Variants in C19orf67 observed in about 807,000 individuals in gnomAD.
C19orf67 encodes the protein UPF0575 protein C19orf67.
Under a neutral mutation model 41.4 loss-of-function variants are expected in C19orf67, and 28 were observed. That is an observed-to-expected ratio of 0.68 (90% CI 0.50 to 0.93). C19orf67 has a LOEUF of 0.93. C19orf67 is among the 40% of genes least tolerant of loss of function. The pLI, the probability that C19orf67 is intolerant of heterozygous loss-of-function variation, is 0.00. For missense variants in C19orf67, 421 were observed against 467.0 expected (o/e 0.90, Z 0.91); for synonymous variants, 242 against 203.4 (o/e 1.19, Z -1.62).
chr19:14,081,736 A>T lies in C19orf67; in HGVS notation c.*98T>A. ...GCTCGGCCTGGCCCTTTGGAAGGCG[A>T]GGCCGGGCTGCACTGCGAGAACGAG... On this transcript the variant is annotated 3_prime_UTR_variant, in exon 6 of 6. Transcript: ENST00000548523. 8.9e-7 allele frequency: 1 copy of T among 1,126,304 alleles called. No individual in the cohort carries two copies. The highest frequency in any genetic ancestry group is 1.8e-5 in the South Asian group (1 of 55,834). The allele number at this position is 1,126,304 out of a possible 1,614,324, so 69.8% of individuals were successfully genotyped here. A position where few individuals can be genotyped will look rare whatever the true frequency, so the allele number is the denominator to read the frequency against.
At position 14,083,717 on chromosome 19, in the gene C19orf67, A is replaced by G. The variant is rs1443503525; in HGVS notation, c.480+16T>C. 1 of 1,473,230 alleles carries G rather than the reference A, an allele frequency of 6.8e-7. No homozygotes were observed. The highest frequency in any genetic ancestry group is 9.0e-7 in the Non-Finnish European group (1 of 1,112,206). 91.3% of individuals were successfully genotyped at this position (1,473,230 alleles called of 1,614,324 possible). On this transcript the variant is annotated intron_variant, in intron 2 of 5. Coordinates refer to ENST00000548523, the MANE Select transcript of C19orf67 (RefSeq NM_001277378.2). ...CGAGAAGAAAGGGGCGTGGGGTCTA[A>G]GAAACCTCCACACACCCCCTTTCGG...
At position 14,083,298 on chromosome 19, in the gene C19orf67, G is replaced by A. The variant is rs953831709; in HGVS notation, c.706C>T (p.Arg236Cys). 28 of 1,535,944 alleles carry A rather than the reference G, an allele frequency of 1.8e-5. No homozygotes were observed. The highest frequency in any genetic ancestry group is 1.7e-4 in the Middle Eastern group (1 of 6,010). The change falls in exon 4 of 6, where the codon CGC (arginine) becomes TGC (cysteine). Residue 236 changes from arginine (R) to cysteine (C), a missense_variant. Arg to Cys is a radical substitution (Grantham distance 180). Around this residue, in one of 3 missense-constraint regions of C19orf67, gnomAD observed 253 missense variants for 307.0 expected, o/e 0.82. Transcript: ENST00000548523. ...RFPRYLYKKM[R>C]WHLEATPEAP... ...TCTGGGGTGGCTTCCAGGTGCCAGC[G>A]CATCTTCTTATAGAGGTAGCGGGGG...
rs1568518352 is a variant in C19orf67, at chr19:14,083,300, A to G, written c.704T>C (p.Met235Thr). 20 of 1,536,090 alleles carry G rather than the reference A, an allele frequency of 1.3e-5. No individual in the cohort carries two copies. Among genetic ancestry groups the G allele is most frequent in the Non-Finnish European group, 1.6e-5 (18 of 1,146,906 alleles). Residue 235 changes from methionine to threonine, a missense_variant, in exon 4 of 6, where the codon ATG becomes ACG. Transcript: ENST00000548523. ...TGGGGTGGCTTCCAGGTGCCAGCGC[A>G]TCTTCTTATAGAGGTAGCGGGGGAA... is the stretch of plus-strand genomic sequence containing the variant. The part of the protein sequence containing the change: ...SRFPRYLYKK[M>T]RWHLEATPEA...
Position 14,085,614 on chromosome 19 carries a change from T to C in C19orf67, c.14A>G (p.Gln5Arg). The stretch of plus-strand genomic sequence containing the variant: ...CAGGGGGAGCGACCCCTCGAACCAC[T>C]GCTCTGTAGCCATGGTAGGGCCGGG... Reference protein sequence around the residue: MATEQWFEGSLPLDP... With the variant: MATERWFEGSLPLDP... Residue 5 changes from glutamine (Q) to arginine (R), a missense_variant, in exon 1 of 6, where the codon CAG becomes CGG. Transcript: ENST00000548523. The C allele has an allele frequency of 6.5e-7, 1 of 1,533,394 alleles. No homozygotes were observed. The highest frequency in any genetic ancestry group is 2.0e-5 in the Admixed American group (1 of 50,988). 95.0% of individuals were successfully genotyped at this position (1,533,394 alleles called of 1,614,324 possible). A position where few individuals can be genotyped will look rare whatever the true frequency, so the allele number is the denominator to read the frequency against.
At position 14,083,599 on chromosome 19, in the gene C19orf67, C is replaced by G. The variant is rs898118607; in HGVS notation, c.487G>C (p.Glu163Gln). ...CGCAGGGTCAGCTGTTGGGAGATCT[C>G]TAACAGCTGCATACAAGAGGGGGGT... The part of the protein sequence containing the change: ...LQELVRKGLL[E>Q]ISQQLTLRLE... Residue 163 changes from glutamate (E) to glutamine (Q), a missense_variant, in exon 3 of 6, where the codon GAG becomes CAG. Glu to Gln is a conservative substitution (Grantham distance 29). This residue lies in a region of C19orf67 where 253 missense variants were observed against 307.0 expected (regional missense o/e 0.82). Coordinates refer to ENST00000548523, the MANE Select transcript of C19orf67 (RefSeq NM_001277378.2). 1 of 1,536,014 alleles carries G rather than the reference C, an allele frequency of 6.5e-7. No individual in the cohort carries two copies. The highest frequency in any genetic ancestry group is 1.4e-5 in the African/African-American group (1 of 73,146).
rs1321202846 is a variant in C19orf67 at position 14,085,752 on chromosome 19, C to T, written c.-125G>A. 4 of 677,572 alleles carry T rather than the reference C, an allele frequency of 5.9e-6. No individual in the cohort carries two copies. In the African/African-American group the frequency reaches 7.3e-5, roughly 12 times the overall value. The allele number at this position is 677,572 out of a possible 1,614,324, so 42.0% of individuals were successfully genotyped here. ...TGCCTTGACCTCTCCACCGGAGCCG[C>T]GCCGCCGCGCCGGGGGCCGTTCGCC... On this transcript the variant is annotated 5_prime_UTR_variant, in exon 1 of 6. Coordinates refer to ENST00000548523, the MANE Select transcript of C19orf67 (RefSeq NM_001277378.2).
chr19:14,084,809 C>G (rs1272583429), intron 1 of C19orf67, among the ~76,000 whole-genome samples: 1 of 152,198 alleles, frequency 6.6e-6, no homozygotes, highest in Non-Finnish European at 1.5e-5. Context: ...TGCACTCCAG[C>G]CTGGGCGACA....
chr19:14,083,557 G>A lies in C19orf67; in HGVS notation c.529C>T (p.Leu177Phe). 6.5e-7 allele frequency: 1 copy of A among 1,536,112 alleles called. No individual in the cohort carries two copies. The highest frequency in any genetic ancestry group is 8.7e-7 in the Non-Finnish European group (1 of 1,146,910). ...ACGAACCCAAAGGAAGCGTACATGA[G>A]GACCAGCTGTTCCAGGCGCAGGGTC... ...QLTLRLEQLV[L>F]MYASFGFVDL... is the part of the protein sequence containing the mutation. Residue 177 changes from leucine (L) to phenylalanine (F), a missense_variant, in exon 3 of 6, where the codon CTC becomes TTC. Transcript: ENST00000548523.
At chr19:14,082,347 G>A in intron 5 of C19orf67, 122 bp downstream of exon 5, 3 of 1,149,310 alleles carry the variant, frequency 2.6e-6, no homozygotes, top group Non-Finnish European at 3.6e-6. Flanking sequence ...GCTTTTCAGG[G>A]CACAATAAAA....
In C19orf67 at chr19:14,085,080, A is replaced by C. The variant is rs8100676; in HGVS notation, c.335+213T>G. On this transcript the variant is annotated intron_variant, in intron 1 of 5. Coordinates refer to ENST00000548523, the MANE Select transcript of C19orf67 (RefSeq NM_001277378.2). ...AGAGACTTGACAACCCCAGGCCCAC[A>C]CTGCCACGACAGTAATAGCAGCCAT... 0.43 allele frequency among the ~76,000 whole-genome samples: 65,777 copies of C among 151,996 alleles called. 14,598 individuals are homozygous for C. The highest frequency in any genetic ancestry group is 0.55 in the Middle Eastern group (162 of 294).
rs1177453103 is a variant in C19orf67, at chr19:14,082,318, A to C, written c.902+151T>G. ...ATAGCATAGATCTCCATGGGTTGTT[A>C]CTGGGGTCTGCATGAAGTGCTTTTC... On this transcript the variant is annotated intron_variant, in intron 5 of 5. Coordinates refer to ENST00000548523, the MANE Select transcript of C19orf67 (RefSeq NM_001277378.2). 5.8e-6 allele frequency: 5 copies of C among 866,024 alleles called. No individual in the cohort carries two copies. The Admixed American group carries it at 1.2e-4, about 21-fold the overall frequency. The allele number at this position is 866,024 out of a possible 1,614,324, so 53.6% of individuals were successfully genotyped here.
At chr19:14,082,390 G>A in intron 5 of C19orf67, 79 bp downstream of exon 5, 2 of 1,427,430 alleles carry the variant, frequency 1.4e-6, no homozygotes, top group Non-Finnish European at 1.9e-6. Flanking sequence ...AAAGTGTTTG[G>A]GAAGGTGGAT....
Position 14,085,393 on chromosome 19 carries a change from G to C in C19orf67, c.235C>G (p.Pro79Ala). ...KPLVPRPGPAPPRLSLDTLFS... is the reference protein window; with the variant it reads ...KPLVPRPGPAAPRLSLDTLFS... Reference sequence around the variant, plus strand: ...AAAGTGTCCAGGGATAGGCGGGGAGGTGCTGGCCCAGGCCGGGGGACCAGA... The same window carrying C: ...AAAGTGTCCAGGGATAGGCGGGGAGCTGCTGGCCCAGGCCGGGGGACCAGA... The change falls in exon 1 of 6, where the codon CCT becomes GCT. Residue 79 changes from proline (P) to alanine (A), a missense_variant. Physicochemically the swap from Pro to Ala is conservative, Grantham distance 27. This residue lies in a region of C19orf67 where 160 missense variants were observed against 139.2 expected (regional missense o/e 1.15). Transcript: ENST00000548523. The C allele has an allele frequency of 6.5e-7, 1 of 1,536,176 alleles. No homozygotes were observed. The highest frequency in any genetic ancestry group is 8.7e-7 in the Non-Finnish European group (1 of 1,146,920).
At position 14,083,619 on chromosome 19, in the gene C19orf67, G is replaced by T. The variant is rs1489238203; in HGVS notation, c.481-14C>A. On this transcript the variant is annotated splice_polypyrimidine_tract_variant and intron_variant, in intron 2 of 5. Coordinates refer to ENST00000548523, the MANE Select transcript of C19orf67 (RefSeq NM_001277378.2). Reference sequence around the variant, plus strand: ...GATCTCTAACAGCTGCATACAAGAGGGGGGTACAGTGAGATCAGCTGGCCT... The same window carrying T: ...GATCTCTAACAGCTGCATACAAGAGTGGGGTACAGTGAGATCAGCTGGCCT... 3.9e-6 allele frequency: 6 copies of T among 1,535,230 alleles called. No homozygotes were observed. Among genetic ancestry groups the T allele is most frequent in the African/African-American group, 1.4e-5 (1 of 73,000 alleles).
At chr19:14,084,883 C>G (rs964724937) in intron 1 of C19orf67, among the ~76,000 whole-genome samples, 5 of 152,174 alleles carry the variant, frequency 3.3e-5, no homozygotes, top group South Asian at 4.1e-4. Context: ...CTAGGAAATT[C>G]CAATGGACAC....
chr19:14,082,561 C>G lies in C19orf67; in HGVS notation c.810G>C (p.Gln270His), dbSNP rs1438293261. 6.5e-7 allele frequency: 1 copy of G among 1,536,434 alleles called. No homozygotes were observed. The highest frequency in any genetic ancestry group is 2.4e-5 in the East Asian group (1 of 40,920). The stretch of plus-strand genomic sequence containing the variant: ...TCTGTGGGCACGAATTGGCTGGACT[C>G]TGGCCTGTGTCTTCCCAAGTATCTC... ...CYRDTWEDTG[Q>H]SPANSCPQIQ... Residue 270 changes from glutamine to histidine, a missense_variant, in exon 5 of 6, where the codon CAG (glutamine) becomes CAC (histidine). Transcript: ENST00000548523.
In C19orf67 at chr19:14,085,501, G is replaced by C. The variant is rs531094746; in HGVS notation, c.127C>G (p.Pro43Ala). 6.5e-7 allele frequency: 1 copy of C among 1,535,498 alleles called. No individual in the cohort carries two copies. The change falls in exon 1 of 6, where the codon CCT becomes GCT. Residue 43 changes from proline (P) to alanine (A), a missense_variant. Pro to Ala is a conservative substitution (Grantham distance 27, BLOSUM62 -1). Around this residue, in one of 3 missense-constraint regions of C19orf67, gnomAD observed 160 missense variants for 139.2 expected, o/e 1.15. Coordinates refer to ENST00000548523, the MANE Select transcript of C19orf67 (RefSeq NM_001277378.2). ...GGATCCGGCTCAGATGGGTTCCCAG[G>C]CCTGCCAGGGGGCGTCGACCTGGAG... is the stretch of plus-strand genomic sequence containing the variant. ...DPSRSTPPGR[P>A]GNPSEPDPED...
rs1477148953 is a variant in C19orf67 at position 14,082,558 on chromosome 19, A to C, written c.813T>G (p.Ser271Arg). 2.0e-6 allele frequency: 3 copies of C among 1,536,192 alleles called. No homozygotes were observed. In the Admixed American group the frequency reaches 5.9e-5, roughly 30 times the overall value. The change falls in exon 5 of 6, where the codon AGT becomes AGG. Residue 271 changes from serine to arginine, a missense_variant. Ser to Arg is a moderately radical substitution (Grantham distance 110). Coordinates refer to ENST00000548523, the MANE Select transcript of C19orf67 (RefSeq NM_001277378.2). ...YRDTWEDTGQ[S>R]PANSCPQIQK... is the part of the protein sequence containing the mutation. The stretch of plus-strand genomic sequence containing the variant: ...GGATCTGTGGGCACGAATTGGCTGG[A>C]CTCTGGCCTGTGTCTTCCCAAGTAT...
At chr19:14,082,313 T>C (rs181261963) in intron 5 of C19orf67, among the ~76,000 whole-genome samples, 156 bp downstream of exon 5, 87 of 152,210 alleles carry the variant, frequency 5.7e-4, no homozygotes, top group Non-Finnish European at 9.7e-4. Context: ...TCTCCATGGG[T>C]TGTTACTGGG....
Sources: allele counts gnomAD v4.1 joint callset (sites outside exome capture counted in the v4.1 genomes callset), GRCh38; gene constraint gnomAD v4.1.1; regional missense constraint gnomAD v4.1.1; transcripts MANE v1.5; gene names NCBI Gene and HGNC (gene_info 2026-07-23, HGNC 2026-07-21).